Variants in MEIOC observed in about 807,000 individuals in gnomAD.
MEIOC encodes meiosis-specific coiled-coil domain-containing protein MEIOC.
A neutral mutation model predicts 85.3 loss-of-function variants in MEIOC; 9 were observed. The observed-to-expected ratio is 0.11, with a 90% CI of 0.06 to 0.18. The LOEUF (loss-of-function observed/expected upper bound fraction) is 0.18. Ranked by LOEUF, MEIOC falls within the 10% of genes least tolerant of loss-of-function variation. The pLI, the probability that MEIOC is intolerant of heterozygous loss-of-function variation, is 1.00. For missense variants in MEIOC, 898 were observed against 1,129.4 expected (o/e 0.80, Z 2.94); for synonymous variants, 365 against 393.7 (o/e 0.93, Z 0.86).
At chr17:44,658,154 AT>A (rs71136034) in intron 2 of MEIOC, among the ~76,000 whole-genome samples, 32,274 of 128,140 alleles carry the variant, frequency 0.25, 3,674 homozygotes, top group South Asian at 0.37. Flanking sequence ...CCCAGGAACA[AT>A]TTTTTTTTTT....
intron 2 of MEIOC, among the ~76,000 whole-genome samples, 177 bp from the exon 3 acceptor site, chr17:44,662,139 CT>C (rs895464896): frequency 4.6e-5 from 7 of 152,154 alleles, no homozygotes; most frequent in African/African-American, 1.7e-4. Context: ...ACTATTTGGC[CT>C]TTTGCAGAAC....
In MEIOC at chr17:44,663,556, T is replaced by C. The variant is rs560459817; in HGVS notation, c.359+1085T>C. ...AAAACAAAAATATTTTTAAAGTTGA[T>C]ACATGCTATTGAAAAAATTCAAGCC... On this transcript the variant is annotated intron_variant, in intron 3 of 7. Transcript: ENST00000409122. Among the ~76,000 whole-genome samples the C allele has an allele frequency of 2.0e-5, 3 of 152,324 alleles. No homozygotes were observed. In the East Asian group the frequency reaches 5.8e-4, roughly 29 times the overall value.
intron 2 of MEIOC, among the ~76,000 whole-genome samples, chr17:44,657,726 T>A (rs1971784751): frequency 6.6e-6 from 1 of 151,698 alleles, no homozygotes; most frequent in Non-Finnish European, 1.5e-5. Flanking sequence ...GCTAATTTTG[T>A]ATTTTTAGTA....
intron 6 of MEIOC, chr17:44,670,273 A>AG (rs1971984730): frequency 6.6e-6 from 1 of 150,380 alleles, no homozygotes; most frequent in Non-Finnish European, 1.5e-5. Context: ...AAAAAAAAAA[A>AG]AAAAAGAAAA....
At chr17:44,671,055 G>A (rs1972001877) in intron 6 of MEIOC, 1 of 151,700 alleles carries the variant, frequency 6.6e-6, no homozygotes, top group African/African-American at 2.4e-5. Flanking sequence ...AAAAAAAAAT[G>A]CAGCAAAACG....
rs535228461 is a variant in MEIOC at position 44,669,549 on chromosome 17, A to AT, written c.2457+38dup. On this transcript the variant is annotated intron_variant, in intron 6 of 7. Transcript: ENST00000409122. ...TGTAAAAATAGATAACAGTGGATGG[A>AT]TTTTTTGTTAAATTTTTTTTAAGTT... is the stretch of plus-strand genomic sequence containing the variant. 13,214 of 1,550,112 alleles carry AT rather than the reference A, an allele frequency of 8.5e-3. 61 individuals carry two copies. Among genetic ancestry groups the AT allele is most frequent in the Non-Finnish European group, 9.8e-3 (11,220 of 1,145,922 alleles).
At position 44,666,900 on chromosome 17, in the gene MEIOC, A is replaced by T; in HGVS notation, c.989A>T (p.Glu330Val). 1 of 1,609,452 alleles carries T rather than the reference A, an allele frequency of 6.2e-7. No homozygotes were observed. The highest frequency in any genetic ancestry group is 1.1e-5 in the South Asian group (1 of 90,448). ...NENVDYCRYPEYVHPNKAKLN... is the reference protein window; with the variant it reads ...NENVDYCRYPVYVHPNKAKLN... ...AATGTAGATTATTGTAGATACCCAG[A>T]GTATGTTCATCCTAATAAGGCTAAG... Residue 330 changes from glutamate to valine, a missense_variant, in exon 5 of 8, where the codon GAG (glutamate) becomes GTG (valine). By Grantham distance (121) the Glu-to-Val change is moderately radical. Coordinates refer to ENST00000409122, the MANE Select transcript of MEIOC (RefSeq NM_001145080.3).
In MEIOC at chr17:44,675,608, CA is replaced by C. The variant is rs1482494469; in HGVS notation, c.*1413del. On this transcript the variant is annotated 3_prime_UTR_variant, in exon 8 of 8. Transcript: ENST00000409122. ...ATGCAAGAGTAACTGTAGGGAGAAA[CA>C]TTTTGATCACTGATATGCCTTAGAA... 2.2e-5 allele frequency: 22 copies of C among 983,800 alleles called. No homozygotes were observed. Among genetic ancestry groups the C allele is most frequent in the Non-Finnish European group, 2.7e-5 (22 of 828,918 alleles). 60.9% of individuals were successfully genotyped at this position (983,800 alleles called of 1,614,324 possible). A position where few individuals can be genotyped will look rare whatever the true frequency, so the allele number is the denominator to read the frequency against.
chr17:44,658,161 T>C (rs1348437637), intron 2 of MEIOC, among the ~76,000 whole-genome samples: 3 of 143,668 alleles, frequency 2.1e-5, no homozygotes, highest in African/African-American at 5.2e-5. Context: ...ACAATTTTTT[T>C]TTTTTTTTTT....
At chr17:44,665,223 TATGTAGAAAAGAAA>T in intron 3 of MEIOC, 147 bp from the exon 4 acceptor site, 1 of 977,516 alleles carries the variant, frequency 1.0e-6, no homozygotes, top group Non-Finnish European at 1.3e-6. Flanking sequence ...TAAAAATATT[TATGTAGAAAAGAAA>T]ATATTCTTGA....
chr17:44,667,002 A>G lies in MEIOC; in HGVS notation c.1091A>G (p.Glu364Gly). The change falls in exon 5 of 8, where the codon GAA becomes GGA. Residue 364 changes from glutamate to glycine, a missense_variant. Around this residue, in one of 2 missense-constraint regions of MEIOC, gnomAD observed 734 missense variants for 860.1 expected, o/e 0.85. Transcript: ENST00000409122. The part of the protein sequence containing the change: ...ANGTPETPTV[E>G]ADTYTKLFQV... The stretch of plus-strand genomic sequence containing the variant: ...GGCACACCTGAAACACCAACTGTAG[A>G]AGCAGACACCTACACAAAGTTATTT... 1 of 1,613,708 alleles carries G rather than the reference A, an allele frequency of 6.2e-7. No individual in the cohort carries two copies.
At chr17:44,673,850 A>G (rs556401889) in intron 7 of MEIOC, 126 bp from the exon 8 acceptor site, 9 of 1,183,096 alleles carry the variant, frequency 7.6e-6, no homozygotes, top group East Asian at 2.6e-5. Flanking sequence ...GGTTCAATCA[A>G]TAACTATCCT....
rs1375281306 is a variant in MEIOC at position 44,657,113 on chromosome 17, C to T, written c.70-14C>T. The T allele has an allele frequency of 1.9e-6, 3 of 1,546,626 alleles. No homozygotes were observed. Among genetic ancestry groups the T allele is most frequent in the Non-Finnish European group, 2.6e-6 (3 of 1,146,112 alleles). ...TGACCACTTTCTGATATTTCCTATTCCCGTGTGCTGCAGCCCAAAGTCGCG... is the reference window on the plus strand; with the variant it reads ...TGACCACTTTCTGATATTTCCTATTTCCGTGTGCTGCAGCCCAAAGTCGCG... On this transcript the variant is annotated splice_polypyrimidine_tract_variant and intron_variant, in intron 1 of 7. Transcript: ENST00000409122.
chr17:44,662,206 T>C (rs1971851304), intron 2 of MEIOC, 111 bp from the exon 3 acceptor site: 12 of 856,500 alleles, frequency 1.4e-5, no homozygotes, highest in Non-Finnish European at 1.4e-5. Flanking sequence ...TGCATTTGAA[T>C]GTAATTCTCC....
intron 2 of MEIOC, among the ~76,000 whole-genome samples, chr17:44,659,958 A>G (rs887579996): frequency 1.3e-5 from 2 of 152,214 alleles, no homozygotes; most frequent in African/African-American, 4.8e-5. Flanking sequence ...AATATAAACT[A>G]TAAACAGAAA....
intron 3 of MEIOC, among the ~76,000 whole-genome samples, chr17:44,664,754 A>G (rs959380321): frequency 1.3e-5 from 2 of 152,226 alleles, no homozygotes; most frequent in African/African-American, 4.8e-5. Flanking sequence ...TTTTGTATTT[A>G]GTCAGTATCA....
chr17:44,675,685 CCA>C lies in MEIOC; in HGVS notation c.*1492_*1493del. On this transcript the variant is annotated 3_prime_UTR_variant, in exon 8 of 8. Coordinates refer to ENST00000409122, the MANE Select transcript of MEIOC (RefSeq NM_001145080.3). ...TAGTCAAATAAAATAGATCATCTCA[CCA>C]CAGTCACTGCATAGAAAGTGGTTAA... 6 of 984,964 alleles carry C rather than the reference CCA, an allele frequency of 6.1e-6. No individual in the cohort carries two copies. The highest frequency in any genetic ancestry group is 7.2e-6 in the Non-Finnish European group (6 of 829,590). 61.0% of individuals were successfully genotyped at this position (984,964 alleles called of 1,614,324 possible). A position where few individuals can be genotyped will look rare whatever the true frequency, so the allele number is the denominator to read the frequency against.
chr17:44,663,514 A>C (rs1971867372), intron 3 of MEIOC, among the ~76,000 whole-genome samples: 1 of 152,200 alleles, frequency 6.6e-6, no homozygotes, highest in African/African-American at 2.4e-5. Context: ...AAGTCTACGT[A>C]ATACATAATT....
Position 44,665,366 on chromosome 17 carries a change from G to A in MEIOC, c.360-18G>A, listed in dbSNP as rs755239144. Reference sequence around the variant, plus strand: ...TAATCAATATATTGTATTTCAGCACGAATTCATTTATTTTTAGGATTCAAA... The same window carrying A: ...TAATCAATATATTGTATTTCAGCACAAATTCATTTATTTTTAGGATTCAAA... On this transcript the variant is annotated intron_variant, in intron 3 of 7. Coordinates refer to ENST00000409122, the MANE Select transcript of MEIOC (RefSeq NM_001145080.3). The A allele has an allele frequency of 1.8e-5, 26 of 1,467,412 alleles. No homozygotes were observed. The South Asian group carries it at 2.5e-4, about 14-fold the overall frequency. 90.9% of individuals were successfully genotyped at this position (1,467,412 alleles called of 1,614,324 possible).
Sources: allele counts gnomAD v4.1 joint callset (sites outside exome capture counted in the v4.1 genomes callset), GRCh38; gene constraint gnomAD v4.1.1; regional missense constraint gnomAD v4.1.1; transcripts MANE v1.5; gene names NCBI Gene and HGNC (gene_info 2026-07-23, HGNC 2026-07-21).